Variants in MSANTD5 observed in about 807,000 individuals in gnomAD.
The protein encoded by MSANTD5 is Myb/SANT DNA binding domain containing 5.
chr5:178,693,636 T>G (rs1231302342), downstream of MSANTD5, among the ~76,000 whole-genome samples: 1 of 152,172 alleles, frequency 6.6e-6, no homozygotes, highest in East Asian at 1.9e-4. Flanking sequence ...AAAGAGGACC[T>G]GAGCACCTTG....
upstream of MSANTD5, among the ~76,000 whole-genome samples, chr5:178,701,459 G>T (rs1165011144): frequency 6.6e-6 from 1 of 151,748 alleles, no homozygotes; most frequent in Non-Finnish European, 1.5e-5. Context: ...TGTGAAGGAA[G>T]GTCCGCACAG....
chr5:178,697,085 A>G (rs1765420265), intron 1 of MSANTD5, among the ~76,000 whole-genome samples: 1 of 152,156 alleles, frequency 6.6e-6, no homozygotes, highest in Admixed American at 6.5e-5. Flanking sequence ...TCCCATACCA[A>G]CTAACAAAGA....
At chr5:178,698,154 G>A (rs1765439383), upstream of MSANTD5, among the ~76,000 whole-genome samples, 1 of 152,174 alleles carries the variant, frequency 6.6e-6, no homozygotes, top group Admixed American at 6.5e-5. Flanking sequence ...TGGATGGCAT[G>A]GATGGCAGTT....
chr5:178,704,121 T>G, the MSANTD5 span, among the ~76,000 whole-genome samples: 473 of 152,320 alleles, frequency 3.1e-3, no homozygotes, highest in Admixed American at 6.3e-3. Flanking sequence ...AATCACCAGT[T>G]ATTTCAATAC....
chr5:178,701,640 C>G (rs1418638917), upstream of MSANTD5, among the ~76,000 whole-genome samples: 2 of 148,528 alleles, frequency 1.3e-5, no homozygotes, highest in Non-Finnish European at 3.0e-5. Flanking sequence ...CCACTGCACT[C>G]CAGCCTGGGT....
exon 3 of MSANTD5, chr5:178,695,569 C>T (rs1055435833): frequency 6.6e-6 from 1 of 152,196 alleles, no homozygotes; most frequent in African/African-American, 2.4e-5. Flanking sequence ...CTCCGGATTT[C>T]CTGGTCACTC....
At chr5:178,705,666 G>A in the MSANTD5 span, among the ~76,000 whole-genome samples, 1 of 152,010 alleles carries the variant, frequency 6.6e-6, no homozygotes, top group Non-Finnish European at 1.5e-5. Context: ...CAAAATAGGA[G>A]GTTGTCTTGG....
At chr5:178,694,501 A>G (rs979566758), downstream of MSANTD5, 2 of 152,210 alleles carry the variant, frequency 1.3e-5, no homozygotes, top group Admixed American at 1.3e-4. Context: ...TCCCTGTCCC[A>G]TGGTCTTTCT....
At chr5:178,705,976 G>T in the MSANTD5 span, among the ~76,000 whole-genome samples, 2 of 151,984 alleles carry the variant, frequency 1.3e-5, no homozygotes, top group Admixed American at 1.3e-4. Context: ...CAAAAAAAGA[G>T]GTTGTCTTAT....
At chr5:178,697,269 A>C (rs1430211449) in intron 1 of MSANTD5, among the ~76,000 whole-genome samples, 2 of 150,712 alleles carry the variant, frequency 1.3e-5, no homozygotes, top group Non-Finnish European at 3.0e-5. Context: ...CCTGGCTAAC[A>C]CGGTGAAACC....
upstream of MSANTD5, among the ~76,000 whole-genome samples, chr5:178,702,017 GC>G (rs1765490703): frequency 6.6e-6 from 1 of 150,426 alleles, no homozygotes; most frequent in East Asian, 2.0e-4. Flanking sequence ...ACAGGCGTGA[GC>G]CACCGCGCCC....
downstream of MSANTD5, among the ~76,000 whole-genome samples, chr5:178,694,216 C>T (rs1386966081): frequency 6.8e-6 from 1 of 148,132 alleles, no homozygotes; most frequent in African/African-American, 2.5e-5. Flanking sequence ...ATTCAGGAGG[C>T]TGAGGCAGAG....
chr5:178,692,379 CAA>C (rs60186176), downstream of MSANTD5, among the ~76,000 whole-genome samples: 896 of 118,622 alleles, frequency 7.6e-3, 10 homozygotes, highest in East Asian at 0.057. Flanking sequence ...GACTCCATCT[CAA>C]AAAAAAAAAA....
chr5:178,697,147 T>A (rs1765421012), intron 1 of MSANTD5, among the ~76,000 whole-genome samples: 1 of 152,098 alleles, frequency 6.6e-6, no homozygotes, highest in Non-Finnish European at 1.5e-5. Flanking sequence ...TGCCTGTGGC[T>A]GAACATACAG....
At chr5:178,695,440 T>C (rs1019268147) in exon 3 of MSANTD5, 1 of 152,166 alleles carries the variant, frequency 6.6e-6, no homozygotes, top group African/African-American at 2.4e-5. Flanking sequence ...AGACATTCCT[T>C]CCAGCTCTTG....
the MSANTD5 span, among the ~76,000 whole-genome samples, chr5:178,705,114 T>C: frequency 6.6e-6 from 1 of 151,932 alleles, no homozygotes; most frequent in Non-Finnish European, 1.5e-5. Flanking sequence ...AGTGGCACAA[T>C]CTTGGCTCAC....
At chr5:178,693,978 T>A (rs150330223), downstream of MSANTD5, among the ~76,000 whole-genome samples, 12 of 151,972 alleles carry the variant, frequency 7.9e-5, no homozygotes, top group Non-Finnish European at 1.5e-4. Context: ...AAGTAAGATA[T>A]CAGCTTTAAT....
At chr5:178,698,142 A>AATGGATGGC (rs1407376429), upstream of MSANTD5, among the ~76,000 whole-genome samples, 4 of 152,156 alleles carry the variant, frequency 2.6e-5, no homozygotes, top group Non-Finnish European at 5.9e-5. Flanking sequence ...GTTGAGGGTG[A>AATGGATGGC]ATGGATGGCA....
the MSANTD5 span, among the ~76,000 whole-genome samples, chr5:178,705,356 C>T: frequency 1.2e-3 from 185 of 152,198 alleles, no homozygotes; most frequent in Non-Finnish European, 2.0e-3. Flanking sequence ...TAAGACCTTG[C>T]TTCTCAATGA....
Sources: gnomAD v4.1 joint callset for allele counts (sites outside exome capture counted in the v4.1 genomes callset) on GRCh38, gnomAD v4.1.1 for gene constraint, MANE v1.5 for transcripts, NCBI Gene and HGNC (gene_info 2026-07-23, HGNC 2026-07-21) for gene names.